Variants in MACROD2 observed in about 807,000 individuals in gnomAD.
MACROD2 encodes mono-ADP ribosylhydrolase 2.
Under a neutral mutation model 70.4 loss-of-function variants are expected in MACROD2, and 36 were observed. That is an observed-to-expected ratio of 0.51 (90% CI 0.39 to 0.68). The LOEUF (loss-of-function observed/expected upper bound fraction) is 0.68. Among genes scored for constraint, MACROD2 ranks in the 30% least tolerant of loss-of-function variants. The pLI, the probability that MACROD2 is intolerant of heterozygous loss-of-function variation, is 0.00. For missense variants in MACROD2, 496 were observed against 538.4 expected, an observed-to-expected ratio of 0.92 and a Z score of 0.78; for synonymous variants, 172 against 178.8, an observed-to-expected ratio of 0.96 and a Z score of 0.30.
Position 14,962,201 on chromosome 20 carries a change from C to G in MACROD2, c.419-267739C>G, listed in dbSNP as rs1010682442. Reference sequence around the variant, plus strand: ...CACATTACATTTATTTGTTCTTAATCTCTTCCAGCCTATAACTGGTTCTCA... The same window carrying G: ...CACATTACATTTATTTGTTCTTAATGTCTTCCAGCCTATAACTGGTTCTCA... On this transcript the variant is annotated intron_variant, in intron 5 of 17. Transcript: ENST00000684519. Among the ~76,000 whole-genome samples the G allele has an allele frequency of 5.9e-4, 90 of 152,256 alleles. 1 individual carries two copies. The highest frequency in any genetic ancestry group is 2.1e-3 in the African/African-American group (86 of 41,550).
chr20:14,543,470 G>C (rs2085457095), intron 4 of MACROD2, among the ~76,000 whole-genome samples: 1 of 151,998 alleles, frequency 6.6e-6, no homozygotes, highest in Non-Finnish European at 1.5e-5. Flanking sequence ...ACTTTTTAAG[G>C]TGAAGCCATT....
At chr20:15,681,497 TGGA>T (rs773378809) in intron 8 of MACROD2, among the ~76,000 whole-genome samples, 3 of 152,176 alleles carry the variant, frequency 2.0e-5, no homozygotes, top group Non-Finnish European at 2.9e-5. Context: ...AAAATGGGAT[TGGA>T]GGAGAAGATA....
At chr20:14,121,053 T>A (rs2054582749) in intron 3 of MACROD2, among the ~76,000 whole-genome samples, 1 of 152,148 alleles carries the variant, frequency 6.6e-6, no homozygotes, top group Non-Finnish European at 1.5e-5. Flanking sequence ...TTTTTATTTT[T>A]ATAATGTAAG....
rs201468504 is a variant in MACROD2, at chr20:15,772,101, A to AATATATATAT, written c.646-90625_646-90616dup. Among the ~76,000 whole-genome samples, 15 of 91,406 alleles carry AATATATATAT rather than the reference A, an allele frequency of 1.6e-4. No homozygotes were observed. The East Asian group carries it at 3.6e-3, about 22-fold the overall frequency. 60.0% of individuals were successfully genotyped at this position (91,406 alleles called of 152,430 possible). A position where few individuals can be genotyped will look rare whatever the true frequency, so the allele number is the denominator to read the frequency against. On this transcript the variant is annotated intron_variant, in intron 8 of 17. Coordinates refer to ENST00000684519, the MANE Select transcript of MACROD2 (RefSeq NM_001351661.2). ...CTCGGTCTCAAAAAAAAAAAAAAAA[A>AATATATATAT]ATATATATATATATATATATATATA...
intron 5 of MACROD2, among the ~76,000 whole-genome samples, chr20:15,150,021 G>A (rs1397701317): frequency 3.3e-5 from 5 of 149,346 alleles, no homozygotes. Flanking sequence ...ATCCAACCAT[G>A]CCCAGGAAGG....
intron 5 of MACROD2, among the ~76,000 whole-genome samples, chr20:15,224,906 G>A (rs145345723): frequency 6.3e-4 from 95 of 150,624 alleles, no homozygotes; most frequent in African/African-American, 1.9e-3. Flanking sequence ...GTTGCAGTGA[G>A]CCAAGATTGC....
intron 8 of MACROD2, among the ~76,000 whole-genome samples, chr20:15,743,353 A>G (rs756094700): frequency 6.6e-6 from 1 of 152,150 alleles, no homozygotes; most frequent in Non-Finnish European, 1.5e-5. Context: ...AAACAGAAAT[A>G]TTGTACAACT....
intron 2 of MACROD2, among the ~76,000 whole-genome samples, chr20:14,029,177 A>G (rs1241402550): frequency 5.3e-5 from 8 of 152,200 alleles, no homozygotes; most frequent in Admixed American, 4.6e-4. Flanking sequence ...ATCACTGGAA[A>G]AAACAACTAA....
intron 3 of MACROD2, among the ~76,000 whole-genome samples, chr20:14,240,773 C>T (rs1460518561): frequency 2.0e-5 from 3 of 152,142 alleles, no homozygotes; most frequent in African/African-American, 7.2e-5. Context: ...ATAATCAGTA[C>T]ACTAAATGCT....
intron 6 of MACROD2, among the ~76,000 whole-genome samples, chr20:15,427,238 A>G (rs771132057): frequency 3.3e-5 from 5 of 152,240 alleles, no homozygotes; most frequent in Non-Finnish European, 7.3e-5. Flanking sequence ...CAAGGCAACG[A>G]TGTCATTTCC....
In MACROD2 at chr20:14,326,089, G is replaced by A; in HGVS notation, c.272-167390G>A. 1 of 1,613,912 alleles carries A rather than the reference G, an allele frequency of 6.2e-7. No homozygotes were observed. The highest frequency in any genetic ancestry group is 8.5e-7 in the Non-Finnish European group (1 of 1,179,888). On this transcript the variant is annotated intron_variant, in intron 3 of 17. Coordinates refer to ENST00000684519, the MANE Select transcript of MACROD2 (RefSeq NM_001351661.2). This position sits in a 1 kb window ranked among gnomAD's most constrained non-coding sequence, Gnocchi z 5.5. ...GGGAACCATGCATACTTTATAGGGT[G>A]AATCAGGCTCCAGGGCTGTGACCAA... is the stretch of plus-strand genomic sequence containing the variant.
chr20:14,059,531 T>C (rs929096031), intron 2 of MACROD2, among the ~76,000 whole-genome samples: 1 of 152,180 alleles, frequency 6.6e-6, no homozygotes, highest in Non-Finnish European at 1.5e-5. Flanking sequence ...GGATTAAGGC[T>C]ATGTTAGGTT....
At chr20:15,766,456 C>CT (rs144263889) in intron 8 of MACROD2, among the ~76,000 whole-genome samples, 3,188 of 152,242 alleles carry the variant, frequency 0.021, 111 homozygotes, top group African/African-American at 0.074. Flanking sequence ...CTCAAGTAAA[C>CT]TTTTTTTCCT....
intron 5 of MACROD2, among the ~76,000 whole-genome samples, chr20:15,109,660 A>G (rs2075939491): frequency 6.6e-6 from 1 of 152,210 alleles, no homozygotes; most frequent in Non-Finnish European, 1.5e-5. Context: ...TTAAGAAAGT[A>G]ACCTTGAGTA....
At chr20:15,993,920 C>A (rs943078231) in intron 15 of MACROD2, among the ~76,000 whole-genome samples, 1 of 152,118 alleles carries the variant, frequency 6.6e-6, no homozygotes, top group Non-Finnish European at 1.5e-5. Context: ...AAGGAATACA[C>A]CCTCATAGAA....
chr20:14,357,485 T>A (rs2083182829), intron 3 of MACROD2, among the ~76,000 whole-genome samples: 1 of 152,236 alleles, frequency 6.6e-6, no homozygotes, highest in South Asian at 2.1e-4. Flanking sequence ...TGTAGAATTT[T>A]AAAAATCTAT....
intron 5 of MACROD2, among the ~76,000 whole-genome samples, chr20:14,720,768 G>T (rs2071458758): frequency 6.6e-6 from 1 of 151,408 alleles, no homozygotes; most frequent in African/African-American, 2.4e-5. Flanking sequence ...TGGCCAGGAT[G>T]GTCTCAATCT....
chr20:14,851,710 A>G (rs1392346019), intron 5 of MACROD2, among the ~76,000 whole-genome samples: 4 of 152,196 alleles, frequency 2.6e-5, no homozygotes, highest in Non-Finnish European at 5.9e-5. Flanking sequence ...AAGTACTATC[A>G]TGTAAGTATA....
At chr20:14,876,807 G>A (rs1414522044) in intron 5 of MACROD2, among the ~76,000 whole-genome samples, 3 of 152,034 alleles carry the variant, frequency 2.0e-5, no homozygotes, top group Non-Finnish European at 4.4e-5. Context: ...TGTCTGTTTT[G>A]TTTCACTGGC....
Sources: allele counts gnomAD v4.1 joint callset (sites outside exome capture counted in the v4.1 genomes callset), GRCh38; gene constraint gnomAD v4.1.1; non-coding constraint Gnocchi (gnomAD v3.1); transcripts MANE v1.5; gene names NCBI Gene and HGNC (gene_info 2026-07-23, HGNC 2026-07-21).